Variants in SLC25A45 observed in about 807,000 individuals in gnomAD.
SLC25A45 encodes solute carrier family 25 member 45.
A neutral mutation model predicts 23.0 loss-of-function variants in SLC25A45; 22 were observed. The ratio of observed to expected loss-of-function variants is 0.95; its 90% CI spans 0.68 to 1.36. SLC25A45 has a LOEUF of 1.36. SLC25A45 is among the 40% of genes most tolerant of loss of function. The pLI, the probability that SLC25A45 is intolerant of heterozygous loss-of-function variation, is 0.00. For synonymous variants in SLC25A45, 136 were observed against 155.0 expected (o/e 0.88, Z 0.91); for missense variants, 355 against 383.5 (o/e 0.93, Z 0.62).
At chr11:65,379,216 C>T (rs1855392069) in intron 5 of SLC25A45, 160 bp downstream of exon 5, 1 of 783,684 alleles carries the variant, frequency 1.3e-6, no homozygotes, top group Non-Finnish European at 2.0e-6. Flanking sequence ...CAGCCCTCCC[C>T]CAGAGGCCTG....
intron 4 of SLC25A45, 59 bp downstream of exon 4, chr11:65,379,808 C>A: frequency 6.3e-7 from 1 of 1,595,360 alleles, no homozygotes; most frequent in South Asian, 1.1e-5. Context: ...GAAGCTGGTA[C>A]CAACAGCCCC....
At chr11:65,378,450 C>T (rs1769799360) in intron 5 of SLC25A45, 1 of 152,240 alleles carries the variant, frequency 6.6e-6, no homozygotes, top group African/African-American at 2.4e-5. Flanking sequence ...GGCAGGGTGA[C>T]TTAGAAGCCG....
In SLC25A45 at chr11:65,376,259, C is replaced by T; in HGVS notation, c.*148G>A. The stretch of plus-strand genomic sequence containing the variant: ...CTTCCGGCTCCCACAGGTGTCTGCC[C>T]AGCCCAGATCTGCGCGGGTGGGAGG... On this transcript the variant is annotated 3_prime_UTR_variant, in exon 7 of 7. Coordinates refer to ENST00000398802, the MANE Select transcript of SLC25A45 (RefSeq NM_182556.4). The T allele has an allele frequency of 2.0e-6, 2 of 1,014,314 alleles. No homozygotes were observed. The highest frequency in any genetic ancestry group is 2.9e-6 in the Non-Finnish European group (2 of 699,814). 62.8% of individuals were successfully genotyped at this position (1,014,314 alleles called of 1,614,324 possible). A position where few individuals can be genotyped will look rare whatever the true frequency, so the allele number is the denominator to read the frequency against.
chr11:65,379,835 G>A (rs1462105306), intron 4 of SLC25A45, 32 bp downstream of exon 4: 2 of 1,612,956 alleles, frequency 1.2e-6, no homozygotes, highest in Admixed American at 1.7e-5. Context: ...CTCCCCGAAA[G>A]GGGAAGGACC....
In SLC25A45 at chr11:65,376,473, G is replaced by A. The variant is rs1187275628; in HGVS notation, c.801C>T (p.Ala267=). The A allele has an allele frequency of 2.5e-6, 4 of 1,614,064 alleles. No homozygotes were observed. Among genetic ancestry groups the A allele is most frequent in the East Asian group, 2.2e-5 (1 of 44,900 alleles). The change falls in exon 7 of 7, where the codon GCC becomes GCT. Residue 267 remains alanine, a synonymous_variant. Transcript: ENST00000398802. ...TGACAGCATTGACGGGAAAGGCGCG[G>A]GCACTGTTGATGGTGACCCCCCGGA... is the stretch of plus-strand genomic sequence containing the variant. ...VFFRGVTINS[A]RAFPVNAVTF... is the part of the protein sequence containing the mutation.
chr11:65,379,052 T>G, intron 5 of SLC25A45: 1 of 348,768 alleles, frequency 2.9e-6, no homozygotes, highest in Non-Finnish European at 5.3e-6. Context: ...AAGGTCTCCT[T>G]GGGGAGTGGG....
At chr11:65,381,366 T>G (rs1375710838) in intron 2 of SLC25A45, 2 of 154,512 alleles carry the variant, frequency 1.3e-5, no homozygotes, top group Admixed American at 1.3e-4. Context: ...CTTGACCTCA[T>G]GATCCACCTA....
intron 5 of SLC25A45, chr11:65,377,362 C>T: frequency 1.6e-6 from 2 of 1,284,682 alleles, no homozygotes; most frequent in Non-Finnish European, 2.0e-6. Context: ...CAGAACAAGC[C>T]TGGATTCTTT....
At chr11:65,377,338 C>A in intron 5 of SLC25A45, 1 of 1,343,858 alleles carries the variant, frequency 7.4e-7, no homozygotes, top group Non-Finnish European at 9.5e-7. Context: ...CTTGCCTGGC[C>A]TACAGCAGGC....
At chr11:65,380,391 C>G (rs573864) in intron 2 of SLC25A45, 852,644 of 912,296 alleles carry the variant, frequency 0.93, 399,476 homozygotes, top group Non-Finnish European at 0.96. Context: ...GGACAAGGGA[C>G]TAAGACCCCA....
chr11:65,376,730 C>T, intron 6 of SLC25A45, 55 bp from the exon 7 acceptor site: 1 of 1,613,788 alleles, frequency 6.2e-7, no homozygotes, highest in Non-Finnish European at 8.5e-7. Flanking sequence ...GCATCCTCCC[C>T]AGACCCTAGT....
intron 5 of SLC25A45, chr11:65,379,036 G>T: frequency 3.2e-6 from 1 of 313,896 alleles, no homozygotes; most frequent in Non-Finnish European, 6.0e-6. Flanking sequence ...TGGTTCTCCA[G>T]GGTCAAAGGT....
rs1855593329 is a variant in SLC25A45 at position 65,382,020 on chromosome 11, C to G, written c.-18-51G>C. 4 of 1,315,816 alleles carry G rather than the reference C, an allele frequency of 3.0e-6. No homozygotes were observed. Among genetic ancestry groups the G allele is most frequent in the Admixed American group, 1.7e-5 (1 of 59,628 alleles). 81.5% of individuals were successfully genotyped at this position (1,315,816 alleles called of 1,614,324 possible). A position where few individuals can be genotyped will look rare whatever the true frequency, so the allele number is the denominator to read the frequency against. On this transcript the variant is annotated intron_variant, in intron 1 of 6. Transcript: ENST00000398802. The surrounding 1 kb of genome is among the most constrained non-coding windows in gnomAD (Gnocchi z 4.4). ...AGTTGAATTCCCCCCTCTCCCTCCCCTGGCCCACGCTGATAACCTCCCACT... is the reference window on the plus strand; with the variant it reads ...AGTTGAATTCCCCCCTCTCCCTCCCGTGGCCCACGCTGATAACCTCCCACT...
chr11:65,377,207 G>T, intron 5 of SLC25A45, 131 bp from the exon 6 acceptor site: 1 of 1,446,330 alleles, frequency 6.9e-7, no homozygotes, highest in Non-Finnish European at 9.1e-7. Context: ...CCGGCACCCA[G>T]CCTCTCACGT....
Position 65,376,335 on chromosome 11 carries a change from A to G in SLC25A45, c.*72T>C, listed in dbSNP as rs1410888835. The G allele has an allele frequency of 2.6e-6, 4 of 1,551,840 alleles. No homozygotes were observed. The highest frequency in any genetic ancestry group is 1.4e-5 in the African/African-American group (1 of 73,670). On this transcript the variant is annotated 3_prime_UTR_variant, in exon 7 of 7. Transcript: ENST00000398802. ...TCTTGCACTGATTTGCAAGCTTTCA[A>G]CCTGGCCTCCAATCTCAAACTGGCC...
intron 5 of SLC25A45, chr11:65,378,956 C>G (rs1191556951): frequency 5.2e-6 from 1 of 191,354 alleles, no homozygotes; most frequent in Non-Finnish European, 1.1e-5. Context: ...CCAGGCAGGG[C>G]CAGGGGAGTG....
rs200825852 is a variant in SLC25A45, at chr11:65,376,994, G to A, written c.422C>T (p.Pro141Leu). 5 of 1,613,498 alleles carry A rather than the reference G, an allele frequency of 3.1e-6. No homozygotes were observed. The highest frequency in any genetic ancestry group is 2.2e-5 in the East Asian group (1 of 44,892). ...TEPRAQPGSPPPRYQGPVHCA... is the reference protein window; with the variant it reads ...TEPRAQPGSPLPRYQGPVHCA... ...GTGCACGGGCCCCTGGTACCGGGGT[G>A]GGGGGCTCCCTGGCTGGGCCCTTGG... The change falls in exon 6 of 7, where the codon CCA becomes CTA. Residue 141 changes from proline to leucine, a missense_variant. By Grantham distance (98) the Pro-to-Leu change is moderately conservative. Coordinates refer to ENST00000398802, the MANE Select transcript of SLC25A45 (RefSeq NM_182556.4).
chr11:65,382,110 G>T lies in SLC25A45; in HGVS notation c.-18-141C>A. 1.5e-6 allele frequency: 1 copy of T among 685,898 alleles called. No individual in the cohort carries two copies. Among genetic ancestry groups the T allele is most frequent in the Non-Finnish European group, 2.6e-6 (1 of 381,766 alleles). The allele number at this position is 685,898 out of a possible 1,614,324, so 42.5% of individuals were successfully genotyped here. A position where few individuals can be genotyped will look rare whatever the true frequency, so the allele number is the denominator to read the frequency against. ...GCCCAGACCTCCGGCAACTGGCAGA[G>T]GAGAGCGAGCCAGTTCCGGTGACCC... is the stretch of plus-strand genomic sequence containing the variant. On this transcript the variant is annotated intron_variant, in intron 1 of 6. Coordinates refer to ENST00000398802, the MANE Select transcript of SLC25A45 (RefSeq NM_182556.4). The surrounding 1 kb of genome is among the most constrained non-coding windows in gnomAD (Gnocchi z 4.4).
intron 2 of SLC25A45, chr11:65,380,851 G>A (rs1855516629): frequency 1.6e-5 from 5 of 307,754 alleles, no homozygotes; most frequent in South Asian, 1.3e-4. Context: ...CAGGGCCCGG[G>A]ACTGCGGCCC....
Sources: allele counts gnomAD v4.1 joint callset, GRCh38; gene constraint gnomAD v4.1.1; non-coding constraint Gnocchi (gnomAD v3.1); transcripts MANE v1.5; gene names NCBI Gene and HGNC (gene_info 2026-07-23, HGNC 2026-07-21).